Variants in KAZN observed in about 807,000 individuals in gnomAD.
KAZN encodes kazrin, periplakin interacting protein.
KAZN carries 40 observed loss-of-function variants against 87.4 expected under a neutral mutation model. That is an observed-to-expected ratio of 0.46 (90% confidence interval 0.36 to 0.60). The LOEUF (loss-of-function observed/expected upper bound fraction) is 0.60, where lower values mean the gene tolerates loss of function less well. Among genes scored for constraint, KAZN ranks in the 20% least tolerant of loss-of-function variants. The pLI is 0.00. For synonymous variants in KAZN, 466 were observed against 458.3 expected, an observed-to-expected ratio of 1.02 and a Z score of -0.22; for missense variants, 898 against 1,073.9, an observed-to-expected ratio of 0.84 and a Z score of 2.29.
intron 2 of KAZN, among the ~76,000 whole-genome samples, chr1:14,540,363 C>A (rs1043942397): frequency 1.3e-5 from 2 of 152,198 alleles, no homozygotes; most frequent in African/African-American, 2.4e-5. Flanking sequence ...GACATTATCA[C>A]CCTGTTTTGT....
intron 2 of KAZN, among the ~76,000 whole-genome samples, chr1:14,401,982 T>C (rs528784294): frequency 1.1e-4 from 16 of 152,140 alleles, no homozygotes; most frequent in African/African-American, 3.8e-4. Flanking sequence ...TCCAACATTA[T>C]ATTTCAATTT....
chr1:14,091,109 CAA>C (rs779056126), intron 1 of KAZN, among the ~76,000 whole-genome samples: 155 of 51,926 alleles, frequency 3.0e-3, no homozygotes, highest in African/African-American at 5.3e-3. Flanking sequence ...GAGACTCTGT[CAA>C]AAAAAAAAAA....
chr1:14,083,419 G>C (rs961570980), intron 1 of KAZN, among the ~76,000 whole-genome samples: 1 of 152,244 alleles, frequency 6.6e-6, no homozygotes, highest in Non-Finnish European at 1.5e-5. Context: ...CTTTGGGCAA[G>C]TTTAGTAACC....
At chr1:14,395,178 A>G (rs1300735044) in intron 2 of KAZN, among the ~76,000 whole-genome samples, 1 of 152,102 alleles carries the variant, frequency 6.6e-6, no homozygotes, top group Non-Finnish European at 1.5e-5. Context: ...AAAGAAAAGG[A>G]AGAAAAGAGG....
At chr1:15,022,985 CA>C (rs1670839079) in intron 2 of KAZN, among the ~76,000 whole-genome samples, 1 of 152,244 alleles carries the variant, frequency 6.6e-6, no homozygotes, top group Admixed American at 6.5e-5. Flanking sequence ...CTTTACCTGC[CA>C]GGGGCTGTGC....
At chr1:15,035,938 A>G (rs1672214593) in intron 3 of KAZN, among the ~76,000 whole-genome samples, 1 of 152,146 alleles carries the variant, frequency 6.6e-6, no homozygotes, top group Non-Finnish European at 1.5e-5. Flanking sequence ...GGCCAGGTGA[A>G]TGAGTCCTTC....
intron 1 of KAZN, among the ~76,000 whole-genome samples, chr1:14,644,351 A>G (rs1313429835): frequency 3.4e-5 from 5 of 145,442 alleles, no homozygotes; most frequent in African/African-American, 1.3e-4. Context: ...TCTCTTGTAA[A>G]TTTGTTTTTT....
At chr1:14,129,484 G>T (rs1157846880) in intron 1 of KAZN, among the ~76,000 whole-genome samples, 3 of 152,290 alleles carry the variant, frequency 2.0e-5, no homozygotes, top group Middle Eastern at 6.8e-3. Context: ...CCTCCCACCC[G>T]ATTCCTCCCC....
chr1:14,231,146 A>T (rs369922043), intron 2 of KAZN, among the ~76,000 whole-genome samples: 1 of 152,200 alleles, frequency 6.6e-6, no homozygotes, highest in East Asian at 1.9e-4. Flanking sequence ...AAGGTTTATT[A>T]TTAGTTTCTT....
chr1:14,365,104 C>T (rs953777546), intron 2 of KAZN, among the ~76,000 whole-genome samples: 1 of 151,448 alleles, frequency 6.6e-6, no homozygotes, highest in Non-Finnish European at 1.5e-5. Flanking sequence ...AGTGCAGTGG[C>T]ACCATCTCGG....
intron 1 of KAZN, among the ~76,000 whole-genome samples, chr1:14,926,070 A>G (rs1659139097): frequency 6.6e-6 from 1 of 152,218 alleles, no homozygotes; most frequent in African/African-American, 2.4e-5. Context: ...TGCTTAATGC[A>G]TGTTAGTCCT....
chr1:14,825,394 T>C (rs1646854668), intron 1 of KAZN, among the ~76,000 whole-genome samples: 1 of 152,176 alleles, frequency 6.6e-6, no homozygotes, highest in Admixed American at 6.5e-5. Context: ...TTTTCAGTCA[T>C]CCCACACTCT....
chr1:14,558,897 G>A (rs1166290521), intron 2 of KAZN, among the ~76,000 whole-genome samples: 1 of 152,124 alleles, frequency 6.6e-6, no homozygotes, highest in Non-Finnish European at 1.5e-5. Context: ...AGTCTCATGG[G>A]GCATGGAGAA....
intron 1 of KAZN, among the ~76,000 whole-genome samples, chr1:14,113,646 T>G (rs6664213): frequency 0.33 from 50,781 of 152,030 alleles, 9,615 homozygotes; most frequent in East Asian, 0.55. Context: ...AAATGAAAGA[T>G]CTGGACAAGC....
At chr1:14,361,503 A>T (rs970711760) in intron 2 of KAZN, among the ~76,000 whole-genome samples, 3 of 152,184 alleles carry the variant, frequency 2.0e-5, no homozygotes, top group Non-Finnish European at 4.4e-5. Flanking sequence ...GGTATGAAAA[A>T]AACTGCAGCT....
At chr1:14,349,495 C>T (rs1027714971) in intron 2 of KAZN, 1 of 152,052 alleles carries the variant, frequency 6.6e-6, no homozygotes, top group Non-Finnish European at 1.5e-5. Context: ...AAGCAGCTGC[C>T]CTGTCTCAGT....
chr1:14,058,268 G>A (rs1642656660), intron 1 of KAZN, among the ~76,000 whole-genome samples: 1 of 151,884 alleles, frequency 6.6e-6, no homozygotes, highest in Admixed American at 6.6e-5. Context: ...TTTACCTTTA[G>A]TCTGAGAGGA....
intron 1 of KAZN, among the ~76,000 whole-genome samples, chr1:13,895,954 A>T (rs114095716): frequency 6.6e-6 from 1 of 151,870 alleles, no homozygotes; most frequent in African/African-American, 2.4e-5. Context: ...AACCCTTCTT[A>T]TATGTTTTAC....
chr1:13,974,125 G>A (rs974689079), intron 1 of KAZN, among the ~76,000 whole-genome samples: 2 of 152,248 alleles, frequency 1.3e-5, no homozygotes, highest in African/African-American at 4.8e-5. Flanking sequence ...TGTGTGAAAT[G>A]TTATCAAACC....
Sources: allele counts gnomAD v4.1 joint callset (sites outside exome capture counted in the v4.1 genomes callset), GRCh38; gene constraint gnomAD v4.1.1; transcripts MANE v1.5; gene names NCBI Gene and HGNC (gene_info 2026-07-23, HGNC 2026-07-21).